CDH23: variants seen among roughly 807,000 people sequenced by gnomAD.
CDH23 encodes cadherin-23.
Under a neutral mutation model 317.1 loss-of-function variants are expected in CDH23, and 189 were observed. That is an observed-to-expected ratio of 0.60 (90% CI 0.53 to 0.67). The LOEUF (loss-of-function observed/expected upper bound fraction) is 0.67, where lower values mean the gene tolerates loss of function less well. Ranked by LOEUF, CDH23 falls within the 30% of genes least tolerant of loss-of-function variation. The probability of loss-of-function intolerance (pLI) is 0.00; values close to 1 mark genes in which losing one functional copy is unlikely to be tolerated. For missense variants in CDH23, 4,401 were observed against 4,592.4 expected, an observed-to-expected ratio of 0.96 and a Z score of 1.20; for synonymous variants, 1,839 against 1,876.8, an observed-to-expected ratio of 0.98 and a Z score of 0.52.
At chr10:71,746,116 C>T (rs574084108) in intron 38 of CDH23, among the ~76,000 whole-genome samples, 1 of 152,214 alleles carries the variant, frequency 6.6e-6, no homozygotes, top group African/African-American at 2.4e-5. Context: ...CCTCCAGGAG[C>T]CTACGGTCTG....
At chr10:71,695,283 G>A (rs1383140500) in intron 21 of CDH23, 135 bp from the exon 22 acceptor site, 4 of 692,994 alleles carry the variant, frequency 5.8e-6, no homozygotes, top group South Asian at 1.6e-5. Flanking sequence ...TCTGCCCAAG[G>A]CTCCCAAGGT....
intron 6 of CDH23, among the ~76,000 whole-genome samples, chr10:71,525,739 C>A (rs994437712): frequency 5.9e-5 from 9 of 152,158 alleles, no homozygotes; most frequent in African/African-American, 2.2e-4. Flanking sequence ...GAGGGTTCAG[C>A]GGGGGCCTGA....
chr10:71,429,331 G>C (rs1589295354), intron 1 of CDH23, among the ~76,000 whole-genome samples: 1 of 152,154 alleles, frequency 6.6e-6, no homozygotes, highest in East Asian at 1.9e-4. Flanking sequence ...GTCTGCATGG[G>C]GTGTGTTCTT....
At chr10:71,532,711 G>GTTTTTTTTTGTTTTTTTT (rs1855452212) in intron 6 of CDH23, among the ~76,000 whole-genome samples, 3 of 128,098 alleles carry the variant, frequency 2.3e-5, no homozygotes, top group Non-Finnish European at 1.8e-5. Context: ...TTTTGTTTTT[G>GTTTTTTTTTGTTTTTTTT]TTTTTTTTTT....
At chr10:71,427,220 AGAAAGAAAGAAAGAAAGAAAGAAAGG>A (rs1464124483) in intron 1 of CDH23, among the ~76,000 whole-genome samples, 23,335 of 120,762 alleles carry the variant, frequency 0.19, 3,520 homozygotes, top group African/African-American at 0.28. Flanking sequence ...AAAGAAAGAA[AGAAAGAAAGAAAGAAAGAAAGAAAGG>A]GAAAGAAAGA....
intron 6 of CDH23, among the ~76,000 whole-genome samples, chr10:71,526,063 T>G (rs1021628988): frequency 2.6e-5 from 4 of 152,158 alleles, no homozygotes; most frequent in Admixed American, 6.5e-5. Context: ...AGGACCCAGA[T>G]AGCCACCAGC....
intron 20 of CDH23, among the ~76,000 whole-genome samples, chr10:71,691,390 T>TAAGACATGGC (rs1865178480): frequency 7.1e-6 from 1 of 140,856 alleles, no homozygotes; most frequent in African/African-American, 2.7e-5. Context: ...CAGGAAGGAA[T>TAAGACATGGC]AAGACATGGC....
At chr10:71,531,648 AGCTGAGGTAGCG>A (rs1241210363) in intron 6 of CDH23, among the ~76,000 whole-genome samples, 2 of 151,554 alleles carry the variant, frequency 1.3e-5, no homozygotes, top group East Asian at 3.9e-4. Flanking sequence ...AGGGAGGGGG[AGCTGAGGTAGCG>A]GCTGAGGACC....
At chr10:71,476,728 A>T (rs1407399059) in intron 3 of CDH23, among the ~76,000 whole-genome samples, 1 of 152,236 alleles carries the variant, frequency 6.6e-6, no homozygotes, top group East Asian at 1.9e-4. Flanking sequence ...AAACACATGT[A>T]TGATAAACCA....
At chr10:71,570,029 C>A (rs1292375096) in intron 7 of CDH23, among the ~76,000 whole-genome samples, 2 of 152,098 alleles carry the variant, frequency 1.3e-5, no homozygotes, top group East Asian at 3.9e-4. Context: ...GCCTCCTGAG[C>A]AGCTGGGACT....
chr10:71,669,744 G>C lies in CDH23; in HGVS notation c.1450-5368G>C, dbSNP rs922441682. ...ATTACAAGCGTGAGCCACCGTGCCTGGCCTCCCCATTCTGATTTTAAGTGG... is the reference window on the plus strand; with the variant it reads ...ATTACAAGCGTGAGCCACCGTGCCTCGCCTCCCCATTCTGATTTTAAGTGG... On this transcript the variant is annotated intron_variant, in intron 14 of 69. Transcript: ENST00000224721. Among the ~76,000 whole-genome samples the C allele has an allele frequency of 9.2e-5, 14 of 152,076 alleles. No homozygotes were observed. In the East Asian group the frequency reaches 2.5e-3, roughly 27 times the overall value.
intron 6 of CDH23, among the ~76,000 whole-genome samples, chr10:71,514,522 C>A (rs893360760): frequency 1.3e-5 from 2 of 152,078 alleles, no homozygotes; most frequent in African/African-American, 4.8e-5. Context: ...CATTGCCCCG[C>A]TGCCTGCCTC....
chr10:71,599,622 T>A (rs914623565), intron 9 of CDH23, among the ~76,000 whole-genome samples: 1 of 152,206 alleles, frequency 6.6e-6, no homozygotes, highest in Admixed American at 6.5e-5. Flanking sequence ...TGCTCTTGTC[T>A]CTACATTTGT....
At position 71,738,607 on chromosome 10, in the gene CDH23, C is replaced by T. The variant is rs2132841590; in HGVS notation, c.4319C>T (p.Thr1440Ile). The change falls in exon 35 of 70, where the codon ACT (threonine) becomes ATT (isoleucine). Residue 1440 changes from threonine (T) to isoleucine (I), a missense_variant. Thr to Ile is a moderately conservative substitution (Grantham distance 89, BLOSUM62 -1). Around this residue, in one of 3 missense-constraint regions of CDH23, gnomAD observed 3,068 missense variants for 3,203.3 expected, o/e 0.96. Transcript: ENST00000224721. ...EDCPVGQRVA[T>I]VKAWDPDAGS... The stretch of plus-strand genomic sequence containing the variant: ...TGCCCTGTGGGCCAGCGAGTGGCTA[C>T]TGTCAAGGCCTGGGACCCTGATGCT... 1 of 1,613,716 alleles carries T rather than the reference C, an allele frequency of 6.2e-7. No homozygotes were observed. Among genetic ancestry groups the T allele is most frequent in the Non-Finnish European group, 8.5e-7 (1 of 1,179,872 alleles).
Position 71,439,868 on chromosome 10 carries a change from T to C in CDH23, c.37T>C (p.Trp13Arg). The change falls in exon 2 of 70, where the codon TGG becomes CGG. Residue 13 changes from tryptophan to arginine, a missense_variant. Trp to Arg is a moderately radical substitution (Grantham distance 101). This residue lies in a region of CDH23 where 3,068 missense variants were observed against 3,203.3 expected (regional missense o/e 0.96). Coordinates refer to ENST00000224721, the MANE Select transcript of CDH23 (RefSeq NM_022124.6). ...RHVATSCHVAWLLVLISGCWG... is the reference protein window; with the variant it reads ...RHVATSCHVARLLVLISGCWG... ...TGTTGCCACCAGCTGCCACGTGGCC[T>C]GGCTTTTGGTGCTGATCTCTGGATG... 6.3e-7 allele frequency: 1 copy of C among 1,575,090 alleles called. No homozygotes were observed. Among genetic ancestry groups the C allele is most frequent in the Non-Finnish European group, 8.6e-7 (1 of 1,159,172 alleles).
At chr10:71,615,430 A>G in intron 9 of CDH23, 74 bp from the exon 10 acceptor site, 1 of 911,704 alleles carries the variant, frequency 1.1e-6, no homozygotes, top group Non-Finnish European at 1.8e-6. Flanking sequence ...CCCCAGCTCC[A>G]TGCCCCCCTG....
chr10:71,795,193 A>G (rs1300145405), intron 48 of CDH23, among the ~76,000 whole-genome samples: 1 of 152,170 alleles, frequency 6.6e-6, no homozygotes, highest in African/African-American at 2.4e-5. Context: ...GAAGGGAAGG[A>G]GAGATGAGTA....
chr10:71,420,033 A>G (rs1475995340), intron 1 of CDH23, among the ~76,000 whole-genome samples: 2 of 152,164 alleles, frequency 1.3e-5, no homozygotes, highest in Non-Finnish European at 2.9e-5. Context: ...GTGCTCAGGA[A>G]GGGTTTATTG....
In CDH23 at chr10:71,793,341, A is replaced by G; in HGVS notation, c.6413A>G (p.Glu2138Gly). ...GCCACCATCGACAGAGAGGAGCAGG[A>G]GTCCTACAGGCTAACGGTGGTGGCC... Reference protein sequence around the residue: ...GNATIDREEQESYRLTVVATD... With the variant: ...GNATIDREEQGSYRLTVVATD... Residue 2138 changes from glutamate (E) to glycine (G), a missense_variant, in exon 48 of 70, where the codon GAG (glutamate) becomes GGG (glycine). Glu to Gly is a moderately conservative substitution (Grantham distance 98). Coordinates refer to ENST00000224721, the MANE Select transcript of CDH23 (RefSeq NM_022124.6). The G allele has an allele frequency of 6.2e-7, 1 of 1,613,982 alleles. No individual in the cohort carries two copies. The highest frequency in any genetic ancestry group is 1.3e-5 in the African/African-American group (1 of 75,026).
Sources: allele counts gnomAD v4.1 joint callset (sites outside exome capture counted in the v4.1 genomes callset), GRCh38; gene constraint gnomAD v4.1.1; regional missense constraint gnomAD v4.1.1; transcripts MANE v1.5; gene names NCBI Gene and HGNC (gene_info 2026-07-23, HGNC 2026-07-21).